ASTN2: variants seen among roughly 807,000 people sequenced by gnomAD.
ASTN2 encodes astrotactin-2.
Under a neutral mutation model 139.8 loss-of-function variants are expected in ASTN2, and 54 were observed. The ratio of observed to expected loss-of-function variants is 0.39; its 90% CI spans 0.31 to 0.48. The LOEUF (loss-of-function observed/expected upper bound fraction) is 0.48, where lower values mean the gene tolerates loss of function less well. Ranked by LOEUF, ASTN2 falls within the 20% of genes least tolerant of loss-of-function variation. ASTN2 has a pLI of 0.95. For missense variants in ASTN2, 1,565 were observed against 1,725.1 expected, an observed-to-expected ratio of 0.91 and a Z score of 1.64; for synonymous variants, 756 against 719.5, an observed-to-expected ratio of 1.05 and a Z score of -0.81.
intron 1 of ASTN2, among the ~76,000 whole-genome samples, chr9:117,375,183 T>C (rs1830090823): frequency 6.6e-6 from 1 of 152,238 alleles, no homozygotes; most frequent in Non-Finnish European, 1.5e-5. Flanking sequence ...GTCCTTGGCC[T>C]GCCCTCTAGG....
chr9:117,071,873 G>A (rs548415973), intron 5 of ASTN2, among the ~76,000 whole-genome samples: 4 of 152,184 alleles, frequency 2.6e-5, no homozygotes, highest in Admixed American at 1.3e-4. Context: ...TTCGGCTCGC[G>A]CACCGTGCGC....
chr9:116,471,398 A>T (rs567083745), intron 20 of ASTN2, among the ~76,000 whole-genome samples: 1 of 152,228 alleles, frequency 6.6e-6, no homozygotes, highest in African/African-American at 2.4e-5. Flanking sequence ...TTTTTCTGGC[A>T]GGGGTGCCTC....
intron 5 of ASTN2, among the ~76,000 whole-genome samples, chr9:117,064,024 G>T (rs1439514267): frequency 2.0e-5 from 3 of 151,932 alleles, no homozygotes; most frequent in Non-Finnish European, 4.4e-5. Flanking sequence ...GAGCTTTTTG[G>T]CTGCCCTGAG....
chr9:116,490,373 G>C (rs772313387), intron 19 of ASTN2, among the ~76,000 whole-genome samples: 27 of 149,194 alleles, frequency 1.8e-4, no homozygotes, highest in Non-Finnish European at 3.4e-4. Flanking sequence ...GATGGAGTGA[G>C]GGTCTTATTT....
intron 1 of ASTN2, among the ~76,000 whole-genome samples, chr9:117,402,193 T>C (rs1830851483): frequency 1.3e-5 from 2 of 152,138 alleles, no homozygotes; most frequent in African/African-American, 2.4e-5. Context: ...CGGCCTCCTC[T>C]GTAGCTGGGA....
intron 3 of ASTN2, among the ~76,000 whole-genome samples, chr9:117,160,128 A>G (rs941875060): frequency 2.6e-5 from 4 of 152,004 alleles, no homozygotes; most frequent in African/African-American, 4.8e-5. Flanking sequence ...CTCAACATCA[A>G]TAGGATGGGA....
chr9:116,609,353 T>C lies in ASTN2; in HGVS notation c.3355+8971A>G, dbSNP rs12115480. Among the ~76,000 whole-genome samples the C allele has an allele frequency of 1.4e-3, 162 of 118,600 alleles. 1 individual carries two copies. Among genetic ancestry groups the C allele is most frequent in the African/African-American group, 3.9e-3 (118 of 30,092 alleles). The allele number at this position is 118,600 out of a possible 152,430, so 77.8% of individuals were successfully genotyped here. On this transcript the variant is annotated intron_variant, in intron 19 of 22. Transcript: ENST00000313400. ...CTATATATATATACACACACACACA[T>C]ATATACATGAATTATATATATGGGT... is the stretch of plus-strand genomic sequence containing the variant.
intron 1 of ASTN2, among the ~76,000 whole-genome samples, chr9:117,367,417 T>C (rs1488820633): frequency 6.6e-6 from 1 of 152,106 alleles, no homozygotes; most frequent in African/African-American, 2.4e-5. Flanking sequence ...TCTGTGACCA[T>C]TTGCTATTTA....
At chr9:117,073,183 C>A (rs1828182939) in intron 5 of ASTN2, among the ~76,000 whole-genome samples, 1 of 109,256 alleles carries the variant, frequency 9.2e-6, no homozygotes, top group South Asian at 3.0e-4. Flanking sequence ...ATCTAATGCA[C>A]CCCCCTTGCT....
chr9:116,931,955 A>G (rs954653880), intron 10 of ASTN2, among the ~76,000 whole-genome samples: 3 of 152,164 alleles, frequency 2.0e-5, no homozygotes, highest in Admixed American at 6.6e-5. Flanking sequence ...ATGGAGAAGA[A>G]TATGAGCTTG....
chr9:116,991,737 C>T (rs554640712), intron 7 of ASTN2, among the ~76,000 whole-genome samples: 1 of 152,156 alleles, frequency 6.6e-6, no homozygotes, highest in Non-Finnish European at 1.5e-5. Context: ...AGATTTCAGC[C>T]CTGGTCTGTC....
At chr9:116,583,502 C>T (rs530809941) in intron 19 of ASTN2, 1 of 151,900 alleles carries the variant, frequency 6.6e-6, no homozygotes, top group South Asian at 2.1e-4. Context: ...CTGTTCTGTA[C>T]ATGTGCTGGT....
chr9:117,049,262 A>G (rs1838844291), intron 5 of ASTN2, among the ~76,000 whole-genome samples: 1 of 152,156 alleles, frequency 6.6e-6, no homozygotes, highest in Non-Finnish European at 1.5e-5. Context: ...TATCTTGAAA[A>G]GAAAATATTT....
intron 19 of ASTN2, among the ~76,000 whole-genome samples, chr9:116,588,243 C>T (rs7031157): frequency 0.047 from 7,212 of 152,286 alleles, 564 homozygotes; most frequent in African/African-American, 0.16. Flanking sequence ...GAACTTAATG[C>T]CCAATATTAA....
intron 7 of ASTN2, among the ~76,000 whole-genome samples, chr9:116,997,594 A>T (rs938781551): frequency 7.9e-5 from 12 of 152,162 alleles, no homozygotes; most frequent in African/African-American, 2.2e-4. Flanking sequence ...CTCTTTTCTC[A>T]ATGCTAAGCA....
At chr9:116,679,412 C>G (rs1191302117) in intron 16 of ASTN2, among the ~76,000 whole-genome samples, 1 of 152,072 alleles carries the variant, frequency 6.6e-6, no homozygotes, top group Admixed American at 6.6e-5. Context: ...TTCTTTGGAA[C>G]ATTTGTGTAA....
At chr9:117,249,962 G>A (rs1358025737) in intron 2 of ASTN2, among the ~76,000 whole-genome samples, 3 of 151,946 alleles carry the variant, frequency 2.0e-5, no homozygotes, top group Non-Finnish European at 2.9e-5. Context: ...CTCACTAACC[G>A]CCCACTCTGA....
intron 16 of ASTN2, among the ~76,000 whole-genome samples, chr9:116,688,635 G>A (rs540682122): frequency 4.3e-4 from 63 of 146,650 alleles, no homozygotes; most frequent in African/African-American, 8.3e-4. Context: ...TCTGACCACC[G>A]GTCCCCCGGC....
intron 16 of ASTN2, among the ~76,000 whole-genome samples, chr9:116,680,160 A>T (rs1347530230): frequency 2.0e-5 from 3 of 152,176 alleles, no homozygotes; most frequent in African/African-American, 7.2e-5. Flanking sequence ...GAGAAGAATC[A>T]AATAGACGCA....
Sources: allele counts gnomAD v4.1 joint callset (sites outside exome capture counted in the v4.1 genomes callset), GRCh38; gene constraint gnomAD v4.1.1; transcripts MANE v1.5; gene names NCBI Gene and HGNC (gene_info 2026-07-23, HGNC 2026-07-21).